UGT2B7: variants seen among roughly 807,000 people sequenced by gnomAD.
The protein encoded by UGT2B7 is UDP-glucuronosyltransferase 2B7.
A neutral mutation model predicts 51.9 loss-of-function variants in UGT2B7; 51 were observed. The observed-to-expected ratio is 0.98, with a 90% confidence interval of 0.78 to 1.24. The LOEUF (loss-of-function observed/expected upper bound fraction) is 1.24, where lower values mean the gene tolerates loss of function less well. Among genes scored for constraint, UGT2B7 ranks in the 50% most tolerant of loss-of-function variants. The pLI is 0.00. For missense variants in UGT2B7, 727 were observed against 628.4 expected (o/e 1.16, Z -1.68); for synonymous variants, 225 against 211.6 (o/e 1.06, Z -0.55).
chr4:69,101,143 A>G (rs1316456724), intron 2 of UGT2B7, among the ~76,000 whole-genome samples: 1 of 152,090 alleles, frequency 6.6e-6, no homozygotes, highest in Non-Finnish European at 1.5e-5. Context: ...TATTACAAAT[A>G]AAGTGAGTTA....
At chr4:69,079,979 A>G (rs921634715) in intron 1 of UGT2B7, among the ~76,000 whole-genome samples, 4 of 152,022 alleles carry the variant, frequency 2.6e-5, no homozygotes, top group Admixed American at 2.0e-4. Flanking sequence ...TTCTTCTAAT[A>G]TATTTATTAA....
intron 1 of UGT2B7, among the ~76,000 whole-genome samples, chr4:69,080,828 T>G: frequency 6.6e-6 from 1 of 152,150 alleles, no homozygotes; most frequent in East Asian, 1.9e-4. Context: ...GCGATTCAAC[T>G]TATTTAAATA....
chr4:69,075,890 A>G (rs145630244), intron 1 of UGT2B7, among the ~76,000 whole-genome samples: 99 of 152,136 alleles, frequency 6.5e-4, no homozygotes, highest in Non-Finnish European at 1.2e-3. Flanking sequence ...TCAACCTGTC[A>G]CCTATATTAG....
At chr4:69,061,567 A>T (rs1718348795) in intron 1 of UGT2B7, among the ~76,000 whole-genome samples, 1 of 152,218 alleles carries the variant, frequency 6.6e-6, no homozygotes, top group Non-Finnish European at 1.5e-5. Context: ...AATTACGTTG[A>T]AGGAAGATGG....
chr4:69,110,151 T>A (rs1409906200), intron 5 of UGT2B7, among the ~76,000 whole-genome samples: 1 of 151,990 alleles, frequency 6.6e-6, no homozygotes, highest in Non-Finnish European at 1.5e-5. Flanking sequence ...CGCACATACA[T>A]ACACACACAA....
At chr4:69,103,007 T>A (rs1719473324) in intron 3 of UGT2B7, 69 bp downstream of exon 3, 2 of 1,563,764 alleles carry the variant, frequency 1.3e-6, no homozygotes, top group Admixed American at 4.3e-5. Context: ...AGTAATCCAA[T>A]TATAGAAACT....
At chr4:69,068,566 T>C (rs1718531344) in intron 1 of UGT2B7, among the ~76,000 whole-genome samples, 1 of 152,036 alleles carries the variant, frequency 6.6e-6, no homozygotes, top group Non-Finnish European at 1.5e-5. Context: ...ATAATGCTGG[T>C]ATTGAAAAAT....
At chr4:69,109,416 G>A (rs1285572419) in intron 5 of UGT2B7, among the ~76,000 whole-genome samples, 1 of 152,006 alleles carries the variant, frequency 6.6e-6, no homozygotes, top group African/African-American at 2.4e-5. Context: ...CTGACTTTTT[G>A]TTACAGCCTT....
At chr4:69,088,544 T>A (rs562383948) in intron 1 of UGT2B7, among the ~76,000 whole-genome samples, 1 of 152,268 alleles carries the variant, frequency 6.6e-6, no homozygotes, top group Non-Finnish European at 1.5e-5. Context: ...AATGTTATAC[T>A]TGTTTGCAGG....
At chr4:69,108,411 G>C in intron 5 of UGT2B7, 89 bp downstream of exon 5, 1 of 1,385,876 alleles carries the variant, frequency 7.2e-7, no homozygotes, top group South Asian at 1.5e-5. Flanking sequence ...TTTTATAAGA[G>C]ACTAATTTTG....
chr4:69,109,986 AT>A (rs1446292712), intron 5 of UGT2B7, among the ~76,000 whole-genome samples: 1 of 152,102 alleles, frequency 6.6e-6, no homozygotes, highest in Non-Finnish European at 1.5e-5. Context: ...TAGAAAAAAA[AT>A]ATATAAAGCA....
chr4:69,091,819 C>G (rs1400406356), upstream of UGT2B7, among the ~76,000 whole-genome samples: 1 of 152,216 alleles, frequency 6.6e-6, no homozygotes, highest in Admixed American at 6.5e-5. Context: ...TGTTTACTTA[C>G]TACAGGCTTT....
At chr4:69,108,909 A>G (rs1719692033) in intron 5 of UGT2B7, among the ~76,000 whole-genome samples, 1 of 152,070 alleles carries the variant, frequency 6.6e-6, no homozygotes, top group South Asian at 2.1e-4. Context: ...ACTTCCTATG[A>G]CCGCTTAGCC....
intron 1 of UGT2B7, among the ~76,000 whole-genome samples, chr4:69,068,114 G>A (rs1206933020): frequency 1.3e-5 from 2 of 151,934 alleles, no homozygotes; most frequent in African/African-American, 2.4e-5. Context: ...ACATATTCAT[G>A]ATCTCATATT....
At position 69,059,509 on chromosome 4, in the gene UGT2B7, C is replaced by T. The variant is rs190857544; in HGVS notation, c.-159+7907C>T. On this transcript the variant is annotated intron_variant, in intron 1 of 5. Transcript: ENST00000502942. ...TGTACCATAGGCTGAAGAATAGAGG[C>T]TATATGCAAAAAAGACTCTGGAACC... Among the ~76,000 whole-genome samples, 5 of 152,138 alleles carry T rather than the reference C, an allele frequency of 3.3e-5. No homozygotes were observed. In the East Asian group the frequency reaches 9.6e-4, roughly 29 times the overall value.
At position 69,060,343 on chromosome 4, in the gene UGT2B7, G is replaced by A. The variant is rs903809280; in HGVS notation, c.-159+8741G>A. Among the ~76,000 whole-genome samples the A allele has an allele frequency of 4.6e-5, 7 of 152,318 alleles. No individual in the cohort carries two copies. In the South Asian group the frequency reaches 8.3e-4, roughly 18 times the overall value. On this transcript the variant is annotated intron_variant, in intron 1 of 5. Coordinates refer to the UGT2B7 transcript ENST00000502942. ...ACACTTCCTACTCCAACCACCCGGT[G>A]ACAAGAGAGTTCCTAGGGCCAGCAG...
At chr4:69,069,998 C>G (rs1366658746) in intron 1 of UGT2B7, 1 of 151,946 alleles carries the variant, frequency 6.6e-6, no homozygotes, top group Non-Finnish European at 1.5e-5. Context: ...TTTTCAAGAC[C>G]TGTGCCTTCT....
chr4:69,104,556 A>G (rs1422772613), intron 3 of UGT2B7, among the ~76,000 whole-genome samples: 1 of 152,184 alleles, frequency 6.6e-6, no homozygotes, highest in Non-Finnish European at 1.5e-5. Context: ...CAAAATCAAA[A>G]ATATACATTA....
At chr4:69,095,866 T>C (rs1719208796), upstream of UGT2B7, among the ~76,000 whole-genome samples, 1 of 152,164 alleles carries the variant, frequency 6.6e-6, no homozygotes, top group South Asian at 2.1e-4. Flanking sequence ...TGTATGATTC[T>C]ATGCATTAAA....
Sources: gnomAD v4.1 joint callset for allele counts (sites outside exome capture counted in the v4.1 genomes callset) on GRCh38, gnomAD v4.1.1 for gene constraint, MANE v1.5 for transcripts, NCBI Gene and HGNC (gene_info 2026-07-23, HGNC 2026-07-21) for gene names.